The following TMEM131 variants were observed in gnomAD, a reference collection of about 807,000 sequenced individuals.
TMEM131 encodes transmembrane protein 131, also known as 2610524E03Rik.
A neutral mutation model predicts 211.6 loss-of-function variants in TMEM131; 66 were observed. That is an observed-to-expected ratio of 0.31 (90% confidence interval 0.26 to 0.38). The LOEUF (loss-of-function observed/expected upper bound fraction) is 0.38. Among genes scored for constraint, TMEM131 ranks in the 10% least tolerant of loss-of-function variants. TMEM131 has a pLI of 1.00. For missense variants in TMEM131, 2,036 were observed against 2,299.3 expected (o/e 0.89, Z 2.34); for synonymous variants, 844 against 841.3 (o/e 1.00, Z -0.06).
At chr2:97,854,574 T>C (rs1295733181) in intron 5 of TMEM131, among the ~76,000 whole-genome samples, 1 of 152,192 alleles carries the variant, frequency 6.6e-6, no homozygotes, top group Non-Finnish European at 1.5e-5. Context: ...AATGATCCTA[T>C]TAAAACCTAA....
Position 97,888,091 on chromosome 2 carries a change from G to C in TMEM131, c.320C>G (p.Pro107Arg). 2 of 1,613,326 alleles carry C rather than the reference G, an allele frequency of 1.2e-6. No individual in the cohort carries two copies. The highest frequency in any genetic ancestry group is 2.2e-5 in the South Asian group (2 of 91,008). ...SISLYRGNCRPIRFEPPMLDF... is the reference protein window; with the variant it reads ...SISLYRGNCRRIRFEPPMLDF... ...CAGCATTGGTGGCTCAAATCGTATG[G>C]GCCTGCAATTCCCCCGGTAGAGAGA... The change falls in exon 4 of 41, where the codon CCC becomes CGC. Residue 107 changes from proline (P) to arginine (R), a missense_variant. Pro to Arg is a moderately radical substitution (Grantham distance 103). Transcript: ENST00000186436.
chr2:97,944,907 T>C (rs1001904195), intron 1 of TMEM131, among the ~76,000 whole-genome samples: 1 of 152,110 alleles, frequency 6.6e-6, no homozygotes, highest in Non-Finnish European at 1.5e-5. Flanking sequence ...GGGTAGTTAT[T>C]AAAAAAACTA....
chr2:97,829,358 A>G (rs1375072781), intron 11 of TMEM131, among the ~76,000 whole-genome samples: 1 of 152,020 alleles, frequency 6.6e-6, no homozygotes, highest in East Asian at 1.9e-4. Flanking sequence ...AGGATTGTAA[A>G]TGCACCAATC....
At chr2:97,961,945 T>C (rs1197481131) in intron 1 of TMEM131, among the ~76,000 whole-genome samples, 1 of 152,174 alleles carries the variant, frequency 6.6e-6, no homozygotes, top group Non-Finnish European at 1.5e-5. Context: ...ATTTACATAT[T>C]CCCATTATTT....
intron 1 of TMEM131, among the ~76,000 whole-genome samples, chr2:97,974,630 G>A (rs1398642398): frequency 6.6e-6 from 1 of 150,622 alleles, no homozygotes; most frequent in Non-Finnish European, 1.5e-5. Flanking sequence ...ATATACAGAG[G>A]AACAAAGATA....
intron 4 of TMEM131, among the ~76,000 whole-genome samples, chr2:97,862,026 C>G (rs1021422233): frequency 6.6e-6 from 1 of 151,904 alleles, no homozygotes; most frequent in Non-Finnish European, 1.5e-5. Context: ...TGGCTCAGCA[C>G]AGAGAGAGAG....
chr2:97,865,974 CT>C (rs1223963690), intron 4 of TMEM131, among the ~76,000 whole-genome samples: 1 of 152,186 alleles, frequency 6.6e-6, no homozygotes, highest in Non-Finnish European at 1.5e-5. Flanking sequence ...GCTCCGCCTC[CT>C]GGGTTCACGC....
intron 18 of TMEM131, among the ~76,000 whole-genome samples, chr2:97,810,230 C>T: frequency 6.6e-6 from 1 of 152,010 alleles, no homozygotes; most frequent in Admixed American, 6.6e-5. Flanking sequence ...TAAAAATGCA[C>T]TGAACATTCT....
chr2:97,812,609 A>C, intron 16 of TMEM131, 30 bp downstream of exon 16: 1 of 1,582,662 alleles, frequency 6.3e-7, no homozygotes, highest in Non-Finnish European at 8.6e-7. Flanking sequence ...AAATCCTTAA[A>C]TGTGATTTAG....
chr2:97,816,646 T>C (rs1681841280), intron 12 of TMEM131, among the ~76,000 whole-genome samples: 1 of 152,212 alleles, frequency 6.6e-6, no homozygotes, highest in Admixed American at 6.5e-5. Flanking sequence ...CTCTTATTTC[T>C]CTGCTTGCTA....
chr2:97,834,597 G>A, intron 10 of TMEM131, 24 bp downstream of exon 10: 5 of 1,468,082 alleles, frequency 3.4e-6, no homozygotes, highest in Middle Eastern at 2.4e-4. Flanking sequence ...ACTCCATAAA[G>A]ACTCTTTTAA....
At chr2:97,865,917 C>T (rs1020816730) in intron 4 of TMEM131, among the ~76,000 whole-genome samples, 2 of 152,146 alleles carry the variant, frequency 1.3e-5, no homozygotes, top group Non-Finnish European at 2.9e-5. Flanking sequence ...GAGTCTCGCT[C>T]TGTCACCCAG....
chr2:97,757,069 C>T lies in TMEM131; in HGVS notation c.*30G>A, dbSNP rs768098852. 5 of 1,552,702 alleles carry T rather than the reference C, an allele frequency of 3.2e-6. No individual in the cohort carries two copies. Among genetic ancestry groups the T allele is most frequent in the Non-Finnish European group, 3.5e-6 (4 of 1,146,310 alleles). ...TGGCACATCATGATCTAGACGAGGG[C>T]CCACTATGTTTGTTTGTTTTTTGCT... On this transcript the variant is annotated 3_prime_UTR_variant, in exon 41 of 41. Transcript: ENST00000186436.
chr2:97,954,610 GC>G (rs1678475194), intron 1 of TMEM131, among the ~76,000 whole-genome samples: 1 of 152,072 alleles, frequency 6.6e-6, no homozygotes, highest in African/African-American at 2.4e-5. Context: ...TTCGAGACCA[GC>G]CTTACCAACA....
At chr2:97,890,141 T>C (rs1432710484) in intron 3 of TMEM131, among the ~76,000 whole-genome samples, 1 of 152,182 alleles carries the variant, frequency 6.6e-6, no homozygotes, top group Non-Finnish European at 1.5e-5. Context: ...CAGGTCTCCT[T>C]GTAGGAGTAT....
At chr2:97,965,514 A>T (rs1026083682) in intron 1 of TMEM131, among the ~76,000 whole-genome samples, 1 of 152,116 alleles carries the variant, frequency 6.6e-6, no homozygotes, top group Non-Finnish European at 1.5e-5. Flanking sequence ...AACATTTTTA[A>T]AACAGGCACT....
intron 3 of TMEM131, among the ~76,000 whole-genome samples, 183 bp downstream of exon 3, chr2:97,908,475 A>T (rs1271956817): frequency 1.3e-5 from 2 of 152,182 alleles, no homozygotes; most frequent in African/African-American, 4.8e-5. Context: ...CAATTGCATG[A>T]TGTGCACATT....
At chr2:97,849,717 C>CTTTTTTTTTTT (rs11320615) in intron 5 of TMEM131, among the ~76,000 whole-genome samples, 1 of 103,826 alleles carries the variant, frequency 9.6e-6, no homozygotes, top group African/African-American at 3.8e-5. Context: ...CTCTCTCTCT[C>CTTTTTTTTTTT]TTTTTTTTTT....
chr2:97,951,977 T>A (rs1678340362), intron 1 of TMEM131, among the ~76,000 whole-genome samples: 1 of 151,848 alleles, frequency 6.6e-6, no homozygotes, highest in Non-Finnish European at 1.5e-5. Context: ...ACCAACATGG[T>A]GAAACCCCAT....
Sources: gnomAD v4.1 joint callset for allele counts (sites outside exome capture counted in the v4.1 genomes callset) on GRCh38, gnomAD v4.1.1 for gene constraint, MANE v1.5 for transcripts, NCBI Gene and HGNC (gene_info 2026-07-23, HGNC 2026-07-21) for gene names.